The following HHLA2 variants were observed in gnomAD, a reference collection of about 807,000 sequenced individuals.
The protein encoded by HHLA2 is HERV-H LTR-associating protein 2.
A neutral mutation model predicts 45.9 loss-of-function variants in HHLA2; 48 were observed. The observed-to-expected ratio is 1.05, with a 90% CI of 0.83 to 1.33. HHLA2 has a LOEUF of 1.33. Ranked by LOEUF, HHLA2 falls within the 40% of genes most tolerant of loss-of-function variation. The pLI, the probability that HHLA2 is intolerant of heterozygous loss-of-function variation, is 0.00. For missense variants in HHLA2, 462 were observed against 494.3 expected (o/e 0.93, Z 0.62); for synonymous variants, 161 against 173.9 (o/e 0.93, Z 0.59).
At chr3:108,332,055 A>G (rs1341152555) in intron 3 of HHLA2, among the ~76,000 whole-genome samples, 2 of 152,178 alleles carry the variant, frequency 1.3e-5, no homozygotes, top group African/African-American at 4.8e-5. Flanking sequence ...ATTGTAGACC[A>G]CGTTAGTTTC....
chr3:108,318,911 C>A (rs1009938227), intron 2 of HHLA2, among the ~76,000 whole-genome samples: 1 of 152,180 alleles, frequency 6.6e-6, no homozygotes, highest in African/African-American at 2.4e-5. Flanking sequence ...GTTATGACAT[C>A]TCATTTCTTT....
chr3:108,306,339 G>A (rs2080929481), intron 1 of HHLA2, among the ~76,000 whole-genome samples: 2 of 152,032 alleles, frequency 1.3e-5, no homozygotes, highest in Admixed American at 6.6e-5. Flanking sequence ...TGTTAGATTT[G>A]GTTTACAACA....
exon 5 of HHLA2, chr3:108,353,610 G>A (rs751367823): frequency 3.7e-6 from 6 of 1,613,740 alleles, no homozygotes; most frequent in South Asian, 1.1e-5. Context: ...CATTTGGAAA[G>A]CCAAGATCCC....
At position 108,313,507 on chromosome 3, in the gene HHLA2, G is replaced by A. The variant is rs924371075; in HGVS notation, c.-105+2766G>A. On this transcript the variant is annotated intron_variant, in intron 2 of 10. Coordinates refer to ENST00000619531, the Ensembl canonical transcript of HHLA2. ...ATTACCTCCTCTCTTTCTGGGTTGTGTGTGCATGTGTTGTGGGGGTGCTGA... is the reference window on the plus strand; with the variant it reads ...ATTACCTCCTCTCTTTCTGGGTTGTATGTGCATGTGTTGTGGGGGTGCTGA... Among the ~76,000 whole-genome samples the A allele has an allele frequency of 1.3e-5, 2 of 152,188 alleles. 1 individual carries two copies. Among genetic ancestry groups the A allele is most frequent in the Admixed American group, 1.3e-4 (2 of 15,278 alleles).
intron 1 of HHLA2, among the ~76,000 whole-genome samples, chr3:108,298,600 A>G (rs1001691149): frequency 1.3e-5 from 2 of 152,230 alleles, no homozygotes; most frequent in Admixed American, 6.5e-5. Flanking sequence ...CATTTCCAGC[A>G]GGTCTCAGAG....
At chr3:108,341,382 G>C (rs1576142610) in intron 3 of HHLA2, among the ~76,000 whole-genome samples, 1 of 152,102 alleles carries the variant, frequency 6.6e-6, no homozygotes. Context: ...TTTTCTGTCA[G>C]AAAACTCCTA....
intron 1 of HHLA2, among the ~76,000 whole-genome samples, chr3:108,307,590 C>T (rs902012328): frequency 4.6e-5 from 7 of 151,396 alleles, no homozygotes; most frequent in Admixed American, 6.6e-5. Context: ...GCCAAGATCA[C>T]GCCACTGCAC....
At chr3:108,330,673 A>G (rs1220991001) in intron 3 of HHLA2, among the ~76,000 whole-genome samples, 1 of 152,060 alleles carries the variant, frequency 6.6e-6, no homozygotes, top group African/African-American at 2.4e-5. Flanking sequence ...CGCTGCAAGG[A>G]ACTGAATTCT....
intron 10 of HHLA2, chr3:108,377,049 T>A (rs1295405139): frequency 3.8e-6 from 2 of 520,804 alleles, no homozygotes; most frequent in South Asian, 3.1e-5. Flanking sequence ...TTAAAAACCA[T>A]GAAACAGCTA....
At chr3:108,305,643 T>C (rs1450833017) in intron 1 of HHLA2, among the ~76,000 whole-genome samples, 1 of 151,930 alleles carries the variant, frequency 6.6e-6, no homozygotes, top group Non-Finnish European at 1.5e-5. Context: ...ACACTCCAGG[T>C]ACATGCCTGG....
At chr3:108,355,117 T>A (rs1040188219) in exon 6 of HHLA2, 1 of 1,610,410 alleles carries the variant, frequency 6.2e-7, no homozygotes. Flanking sequence ...CTATGTAGTT[T>A]TTCTCACACC....
At chr3:108,307,488 G>T (rs950759597) in intron 1 of HHLA2, among the ~76,000 whole-genome samples, 2 of 152,024 alleles carry the variant, frequency 1.3e-5, no homozygotes, top group Non-Finnish European at 2.9e-5. Flanking sequence ...ACAAAAATTA[G>T]CCAGGCCTGG....
intron 2 of HHLA2, among the ~76,000 whole-genome samples, chr3:108,324,542 G>T (rs1033814867): frequency 6.6e-6 from 1 of 152,148 alleles, no homozygotes; most frequent in African/African-American, 2.4e-5. Context: ...CTTTCACAAG[G>T]CTCCTTCATG....
At chr3:108,316,162 G>T (rs1212761290) in intron 2 of HHLA2, among the ~76,000 whole-genome samples, 1 of 151,920 alleles carries the variant, frequency 6.6e-6, no homozygotes, top group Non-Finnish European at 1.5e-5. Context: ...CACAGTTGCT[G>T]TGATAAAGTA....
chr3:108,353,074 T>C (rs931675850), intron 4 of HHLA2, among the ~76,000 whole-genome samples: 2 of 152,208 alleles, frequency 1.3e-5, no homozygotes, highest in Non-Finnish European at 2.9e-5. Context: ...TAAATGTGAA[T>C]GTGTTCTGGG....
intron 3 of HHLA2, among the ~76,000 whole-genome samples, chr3:108,335,239 A>G (rs1433125456): frequency 1.3e-5 from 2 of 152,208 alleles, no homozygotes; most frequent in African/African-American, 4.8e-5. Flanking sequence ...GCCACATTCC[A>G]TCAAACCCCT....
intron 8 of HHLA2, among the ~76,000 whole-genome samples, chr3:108,372,094 A>C (rs1436906809): frequency 8.5e-5 from 13 of 152,354 alleles, no homozygotes; most frequent in Admixed American, 2.0e-4. Flanking sequence ...CTCCTCAGCA[A>C]ATGTAAAAGA....
At chr3:108,302,471 A>C (rs1200908410) in intron 1 of HHLA2, 1 of 152,172 alleles carries the variant, frequency 6.6e-6, no homozygotes, top group African/African-American at 2.4e-5. Flanking sequence ...TGATTCTGAC[A>C]GTACAAGACA....
At chr3:108,325,925 A>G (rs896500301) in intron 2 of HHLA2, 8 of 391,232 alleles carry the variant, frequency 2.0e-5, no homozygotes, top group Admixed American at 1.6e-4. Flanking sequence ...GGCTTTCCTT[A>G]TTTCATGATT....
Sources: gnomAD v4.1 joint callset for allele counts (sites outside exome capture counted in the v4.1 genomes callset) on GRCh38, gnomAD v4.1.1 for gene constraint, MANE v1.5 for transcripts, NCBI Gene and HGNC (gene_info 2026-07-23, HGNC 2026-07-21) for gene names.